GRID2: variants seen among roughly 807,000 people sequenced by gnomAD.
The protein encoded by GRID2 is glutamate receptor ionotropic, delta-2.
Under a neutral mutation model 114.8 loss-of-function variants are expected in GRID2, and 33 were observed. The observed-to-expected ratio is 0.29, with a 90% CI of 0.22 to 0.38. The LOEUF (loss-of-function observed/expected upper bound fraction) is 0.38. GRID2 is among the 10% of genes least tolerant of loss of function. GRID2 has a pLI of 1.00. For synonymous variants in GRID2, 505 were observed against 449.9 expected (o/e 1.12, Z -1.55); for missense variants, 1,184 against 1,257.7 (o/e 0.94, Z 0.89).
At chr4:93,435,191 GC>G (rs1403108816) in intron 10 of GRID2, among the ~76,000 whole-genome samples, 1 of 152,072 alleles carries the variant, frequency 6.6e-6, no homozygotes, top group East Asian at 1.9e-4. Context: ...TACTACTGAA[GC>G]CTCAATATCT....
intron 2 of GRID2, among the ~76,000 whole-genome samples, chr4:92,612,203 A>G (rs1408053107): frequency 2.0e-5 from 3 of 151,384 alleles, no homozygotes; most frequent in Non-Finnish European, 4.4e-5. Context: ...AACCTGAACT[A>G]TTTCTTAGAA....
At chr4:92,380,299 GA>G (rs563466258) in intron 1 of GRID2, among the ~76,000 whole-genome samples, 1 of 149,506 alleles carries the variant, frequency 6.7e-6, no homozygotes, top group Admixed American at 6.7e-5. Flanking sequence ...TATTCCAAAT[GA>G]AAAAAAAATC....
At chr4:93,508,097 T>C (rs969015995) in intron 12 of GRID2, among the ~76,000 whole-genome samples, 5 of 152,052 alleles carry the variant, frequency 3.3e-5, no homozygotes, top group Non-Finnish European at 4.4e-5. Context: ...GCATGGCACA[T>C]GTATACATAT....
chr4:93,621,636 G>A (rs1398035338), intron 13 of GRID2, among the ~76,000 whole-genome samples: 2 of 152,150 alleles, frequency 1.3e-5, no homozygotes, highest in East Asian at 1.9e-4. Context: ...CTGTTGAAAG[G>A]TGACTTCAGA....
chr4:92,731,550 A>G (rs766577060), intron 2 of GRID2, among the ~76,000 whole-genome samples: 5 of 151,936 alleles, frequency 3.3e-5, no homozygotes, highest in Non-Finnish European at 7.4e-5. Flanking sequence ...GTATATTTGC[A>G]CTTATCTTCA....
At chr4:93,339,097 G>C (rs1014469638) in intron 8 of GRID2, among the ~76,000 whole-genome samples, 1 of 152,112 alleles carries the variant, frequency 6.6e-6, no homozygotes, top group African/African-American at 2.4e-5. Flanking sequence ...TACCTATTCT[G>C]GAGGCATTGC....
chr4:93,044,829 G>C (rs1002825405), intron 2 of GRID2, among the ~76,000 whole-genome samples: 2 of 152,126 alleles, frequency 1.3e-5, no homozygotes, highest in Admixed American at 1.3e-4. Context: ...GGTATCATTA[G>C]TGTCCTGGAC....
At chr4:92,861,048 CCTTA>C (rs1194347653) in intron 2 of GRID2, among the ~76,000 whole-genome samples, 2 of 152,122 alleles carry the variant, frequency 1.3e-5, no homozygotes, top group African/African-American at 4.8e-5. Flanking sequence ...ATCAATCCTT[CCTTA>C]CTTATTAATC....
chr4:92,313,081 A>ATGTGTGTGTG lies in GRID2; in HGVS notation c.88+8369_88+8378dup, dbSNP rs144557382. 1.2e-3 allele frequency among the ~76,000 whole-genome samples: 173 copies of ATGTGTGTGTG among 145,212 alleles called. 1 individual carries two copies. Among genetic ancestry groups the ATGTGTGTGTG allele is most frequent in the African/African-American group, 3.8e-3 (151 of 39,512 alleles). ...AATGAGTGGATAAAGAAACTCTGAT[A>ATGTGTGTGTG]TGTGTGTGTGTGTGTGTGTGTGTGT... On this transcript the variant is annotated intron_variant, in intron 1 of 15. Coordinates refer to ENST00000282020, the MANE Select transcript of GRID2 (RefSeq NM_001510.4).
chr4:92,998,084 G>C (rs1032157294), intron 2 of GRID2, among the ~76,000 whole-genome samples: 1 of 151,744 alleles, frequency 6.6e-6, no homozygotes, highest in African/African-American at 2.4e-5. Context: ...CCAATCCTAT[G>C]GTTATGTAGA....
chr4:93,085,369 T>C (rs1218383385), intron 3 of GRID2, 90 bp downstream of exon 3: 2 of 970,306 alleles, frequency 2.1e-6, no homozygotes, highest in Non-Finnish European at 3.1e-6. Context: ...AGGGTCTTAC[T>C]CATTGTTATT....
rs146736003 is a variant in GRID2, at chr4:93,532,135, C to T, written c.2193+16724C>T. 1.6e-4 allele frequency among the ~76,000 whole-genome samples: 25 copies of T among 152,186 alleles called. 1 individual carries two copies. In the East Asian group the frequency reaches 4.2e-3, roughly 26 times the overall value. On this transcript the variant is annotated intron_variant, in intron 13 of 15. Coordinates refer to ENST00000282020, the MANE Select transcript of GRID2 (RefSeq NM_001510.4). ...GTTGCACATAATTTGTAATTTACCC[C>T]AACAGAGGGATAATGTGTGTTAAAA...
At chr4:93,170,441 T>C (rs571638542) in intron 4 of GRID2, among the ~76,000 whole-genome samples, 2 of 152,106 alleles carry the variant, frequency 1.3e-5, no homozygotes, top group Middle Eastern at 3.2e-3. Context: ...GTCAGTCATA[T>C]CTCTGGTCAT....
intron 1 of GRID2, among the ~76,000 whole-genome samples, chr4:92,482,169 C>T (rs1722648536): frequency 6.6e-6 from 1 of 150,932 alleles, no homozygotes; most frequent in African/African-American, 2.4e-5. Flanking sequence ...TTTGTAGCAA[C>T]ATGGATGGAG....
At chr4:92,350,339 A>C (rs1399329829) in intron 1 of GRID2, among the ~76,000 whole-genome samples, 1 of 151,848 alleles carries the variant, frequency 6.6e-6, no homozygotes, top group African/African-American at 2.4e-5. Flanking sequence ...TCTTTATAAA[A>C]GAATTTAACT....
chr4:92,681,956 T>C (rs894434476), intron 2 of GRID2, among the ~76,000 whole-genome samples: 6 of 152,046 alleles, frequency 3.9e-5, no homozygotes, highest in African/African-American at 7.2e-5. Flanking sequence ...AGAAAGGTTA[T>C]TTAAAGAGAG....
intron 2 of GRID2, among the ~76,000 whole-genome samples, chr4:92,880,366 A>G (rs1184006887): frequency 6.6e-6 from 1 of 152,204 alleles, no homozygotes; most frequent in Non-Finnish European, 1.5e-5. Flanking sequence ...AATTTAAATC[A>G]TAAACATTCT....
chr4:93,412,754 C>A (rs898446427), intron 9 of GRID2, among the ~76,000 whole-genome samples: 10 of 151,986 alleles, frequency 6.6e-5, no homozygotes, highest in Non-Finnish European at 1.0e-4. Context: ...CCCTTGCCTA[C>A]CCCACTAACA....
intron 1 of GRID2, among the ~76,000 whole-genome samples, chr4:92,316,011 AAAAG>A (rs1725959054): frequency 6.6e-6 from 1 of 150,788 alleles, no homozygotes; most frequent in African/African-American, 2.4e-5. Context: ...AAAAAAAAAA[AAAAG>A]AAAAGAGAAC....
Sources: gnomAD v4.1 joint callset for allele counts (sites outside exome capture counted in the v4.1 genomes callset) on GRCh38, gnomAD v4.1.1 for gene constraint, MANE v1.5 for transcripts, NCBI Gene and HGNC (gene_info 2026-07-23, HGNC 2026-07-21) for gene names.